Variants in UBASH3B observed in about 807,000 individuals in gnomAD.
The protein encoded by UBASH3B is ubiquitin-associated and SH3 domain-containing protein B.
UBASH3B carries 37 observed loss-of-function variants against 83.4 expected under a neutral mutation model. That is an observed-to-expected ratio of 0.44 (90% CI 0.34 to 0.58). The LOEUF is 0.58. UBASH3B is among the 20% of genes least tolerant of loss of function. The pLI is 0.01. For missense variants in UBASH3B, 657 were observed against 827.2 expected, an observed-to-expected ratio of 0.79 and a Z score of 2.52; for synonymous variants, 304 against 318.3, an observed-to-expected ratio of 0.96 and a Z score of 0.48.
intron 1 of UBASH3B, among the ~76,000 whole-genome samples, chr11:122,739,614 AT>A (rs1457170712): frequency 6.6e-5 from 10 of 152,282 alleles, no homozygotes; most frequent in African/African-American, 2.4e-4. Flanking sequence ...GGAGACATAA[AT>A]TTTCTTCCTA....
chr11:122,806,571 T>A lies in UBASH3B; in HGVS notation c.1702+55T>A. ...TACATACGTGATTATTTCTCTATAA[T>A]GGTTAATAGGTTATTCAAGATGTTT... On this transcript the variant is annotated intron_variant, in intron 12 of 13. Transcript: ENST00000284273. This position sits in a 1 kb window ranked among gnomAD's most constrained non-coding sequence, Gnocchi z 4.0. 2.0e-6 allele frequency: 3 copies of A among 1,485,050 alleles called. No individual in the cohort carries two copies. The highest frequency in any genetic ancestry group is 2.7e-6 in the Non-Finnish European group (3 of 1,123,640). 92.0% of individuals were successfully genotyped at this position (1,485,050 alleles called of 1,614,324 possible).
chr11:122,667,171 G>A (rs1863531225), intron 1 of UBASH3B, among the ~76,000 whole-genome samples: 1 of 149,460 alleles, frequency 6.7e-6, no homozygotes, highest in Admixed American at 6.8e-5. Context: ...AGCTTCCTAA[G>A]TAGCTGGGAT....
At chr11:122,769,325 T>C (rs1472263376) in intron 1 of UBASH3B, among the ~76,000 whole-genome samples, 1 of 152,082 alleles carries the variant, frequency 6.6e-6, no homozygotes, top group Non-Finnish European at 1.5e-5. Context: ...TCATGAGCAA[T>C]CCACTTCCAT....
At chr11:122,782,258 C>A (rs894866747) in intron 4 of UBASH3B, 1 of 151,470 alleles carries the variant, frequency 6.6e-6, no homozygotes, top group Non-Finnish European at 1.5e-5. Context: ...AAAAAAAGTA[C>A]CAGAGAGAGA....
chr11:122,772,787 G>C (rs1313809772), intron 1 of UBASH3B, among the ~76,000 whole-genome samples: 2 of 152,150 alleles, frequency 1.3e-5, no homozygotes. Context: ...TAGCCATTGT[G>C]TTTCTTTTCT....
intron 1 of UBASH3B, among the ~76,000 whole-genome samples, chr11:122,760,777 C>G (rs1284986382): frequency 8.5e-5 from 13 of 152,206 alleles, no homozygotes; most frequent in Admixed American, 8.5e-4. Context: ...GCTAAGGAGT[C>G]TAAACATGTT....
At chr11:122,698,980 G>T (rs1441072613) in intron 1 of UBASH3B, among the ~76,000 whole-genome samples, 7 of 152,126 alleles carry the variant, frequency 4.6e-5, no homozygotes, top group African/African-American at 1.7e-4. Flanking sequence ...CCCCTGAATA[G>T]CTGGGGCTGC....
intron 1 of UBASH3B, among the ~76,000 whole-genome samples, chr11:122,679,743 A>C (rs767571635): frequency 1.3e-5 from 2 of 152,208 alleles, no homozygotes; most frequent in African/African-American, 2.4e-5. Context: ...TGTTCCAATG[A>C]AAGTTTATTT....
At chr11:122,789,498 C>G (rs1341140834) in intron 6 of UBASH3B, among the ~76,000 whole-genome samples, 190 bp downstream of exon 6, 1 of 152,158 alleles carries the variant, frequency 6.6e-6, no homozygotes, top group Admixed American at 6.6e-5. Context: ...CCTCTGCCTG[C>G]CCCATTTGCC....
At chr11:122,680,120 CAT>C (rs1863719432) in intron 1 of UBASH3B, among the ~76,000 whole-genome samples, 1 of 152,198 alleles carries the variant, frequency 6.6e-6, no homozygotes, top group South Asian at 2.1e-4. Flanking sequence ...CGTGAGCCAC[CAT>C]GCCCAACCAA....
chr11:122,695,224 A>G (rs1238208518), intron 1 of UBASH3B, among the ~76,000 whole-genome samples: 1 of 151,968 alleles, frequency 6.6e-6, no homozygotes, highest in Non-Finnish European at 1.5e-5. Flanking sequence ...TTGGCCTCCC[A>G]AAGTGCTGGG....
intron 9 of UBASH3B, among the ~76,000 whole-genome samples, chr11:122,797,663 T>A (rs1346634473): frequency 6.6e-6 from 1 of 152,166 alleles, no homozygotes; most frequent in African/African-American, 2.4e-5. Flanking sequence ...CATAGTGATA[T>A]GCATAGAGCT....
intron 5 of UBASH3B, among the ~76,000 whole-genome samples, chr11:122,787,123 A>G (rs190329653): frequency 5.5e-4 from 83 of 152,230 alleles, no homozygotes; most frequent in African/African-American, 1.9e-3. Context: ...CATTTAAGGA[A>G]CACAAGTTTA....
Position 122,809,419 on chromosome 11 carries a change from T to C in UBASH3B, c.1813-330T>C, listed in dbSNP as rs573881194. On this transcript the variant is annotated intron_variant, in intron 13 of 13. Transcript: ENST00000284273. ...GGACTTGCAATTGGGAATTAACTCC[T>C]GGCATTGTAGCCTTATGTATTTTGG... is the stretch of plus-strand genomic sequence containing the variant. 2.0e-5 allele frequency among the ~76,000 whole-genome samples: 3 copies of C among 152,340 alleles called. No individual in the cohort carries two copies. The South Asian group carries it at 6.2e-4, about 32-fold the overall frequency.
In UBASH3B at chr11:122,777,075, G is replaced by A; in HGVS notation, c.267G>A (p.Glu89=). Residue 89 remains glutamate, a synonymous_variant, in exon 3 of 14, where the codon GAG becomes GAA. Coordinates refer to ENST00000284273, the MANE Select transcript of UBASH3B (RefSeq NM_032873.5). ...TCCTGGATGACCCCCTGCCCCGGGA[G>A]TACGTCCTCTACCTCCGTCCCACCG... ...DPFLDDPLPR[E]YVLYLRPTGP... The A allele has an allele frequency of 6.2e-7, 1 of 1,613,798 alleles. No homozygotes were observed. Among genetic ancestry groups the A allele is most frequent in the Non-Finnish European group, 8.5e-7 (1 of 1,179,852 alleles).
At chr11:122,696,260 T>G (rs2135924242) in intron 1 of UBASH3B, among the ~76,000 whole-genome samples, 1 of 152,238 alleles carries the variant, frequency 6.6e-6, no homozygotes, top group Non-Finnish European at 1.5e-5. Context: ...CCAAATAGTT[T>G]TTAATTTCTC....
In UBASH3B at chr11:122,809,863, A is replaced by C; in HGVS notation, c.1927A>C (p.Arg643=). 1 of 1,614,180 alleles carries C rather than the reference A, an allele frequency of 6.2e-7. No individual in the cohort carries two copies. Among genetic ancestry groups the C allele is most frequent in the Non-Finnish European group, 8.5e-7 (1 of 1,180,020 alleles). The change falls in exon 14 of 14, where the codon AGA becomes CGA. Residue 643 remains arginine, a synonymous_variant. Coordinates refer to ENST00000284273, the MANE Select transcript of UBASH3B (RefSeq NM_032873.5). ...TGGACCAACTGGGGGCTTCAACTGG[A>C]GAGAGACCTTGCTTCAAGAATAAAC... ...THGPTGGFNW[R]ETLLQE is the part of the protein sequence containing the mutation.
chr11:122,672,005 T>C (rs566261681), intron 1 of UBASH3B, among the ~76,000 whole-genome samples: 1 of 152,038 alleles, frequency 6.6e-6, no homozygotes, highest in South Asian at 2.1e-4. Context: ...GGGAAACAGG[T>C]CATGCAGGGC....
At chr11:122,698,131 G>A (rs894068560) in intron 1 of UBASH3B, among the ~76,000 whole-genome samples, 1 of 152,196 alleles carries the variant, frequency 6.6e-6, no homozygotes, top group Non-Finnish European at 1.5e-5. Flanking sequence ...TAAGGGCAGA[G>A]CTGGGCTCAG....
Sources: gnomAD v4.1 joint callset for allele counts (sites outside exome capture counted in the v4.1 genomes callset) on GRCh38, gnomAD v4.1.1 for gene constraint, Gnocchi (gnomAD v3.1) non-coding constraint, MANE v1.5 for transcripts, NCBI Gene and HGNC (gene_info 2026-07-23, HGNC 2026-07-21) for gene names.